SHROOM3: variants seen among roughly 807,000 people sequenced by gnomAD.
The protein encoded by SHROOM3 is protein Shroom3.
Under a neutral mutation model 138.6 loss-of-function variants are expected in SHROOM3, and 47 were observed. The ratio of observed to expected loss-of-function variants is 0.34; its 90% CI spans 0.27 to 0.43. SHROOM3 has a LOEUF of 0.43. Among genes scored for constraint, SHROOM3 ranks in the 20% least tolerant of loss-of-function variants. SHROOM3 has a pLI of 1.00. For synonymous variants in SHROOM3, 1,062 were observed against 1,063.3 expected (o/e 1.00, Z 0.02); for missense variants, 2,491 against 2,596.5 (o/e 0.96, Z 0.88).
intron 2 of SHROOM3, among the ~76,000 whole-genome samples, chr4:76,625,994 A>G (rs1735130228): frequency 6.6e-6 from 1 of 152,132 alleles, no homozygotes; most frequent in African/African-American, 2.4e-5. Context: ...AACATAGAGA[A>G]CTCTCCTTAA....
chr4:76,703,060 GA>G (rs1050238045), intron 2 of SHROOM3, among the ~76,000 whole-genome samples: 4 of 152,110 alleles, frequency 2.6e-5, no homozygotes, highest in African/African-American at 9.7e-5. Flanking sequence ...GAAATCAAGT[GA>G]AAAAAAGCAG....
chr4:76,768,598 C>T (rs761425251), intron 9 of SHROOM3, among the ~76,000 whole-genome samples: 58 of 152,126 alleles, frequency 3.8e-4, no homozygotes, highest in Non-Finnish European at 7.2e-4. Flanking sequence ...GCAAACTCCA[C>T]CTCTCAGGTT....
At chr4:76,633,734 G>C (rs1735410791) in intron 2 of SHROOM3, among the ~76,000 whole-genome samples, 1 of 150,806 alleles carries the variant, frequency 6.6e-6, no homozygotes, top group Admixed American at 6.6e-5. Flanking sequence ...CTTTGTTTCA[G>C]CAAAAAATCT....
rs567740036 is a variant in SHROOM3 at position 76,742,102 on chromosome 4, T to C, written c.3753+176T>C. 1.3e-5 allele frequency: 11 copies of C among 825,654 alleles called. No individual in the cohort carries two copies. The South Asian group carries it at 1.6e-4, about 12-fold the overall frequency. 51.1% of individuals were successfully genotyped at this position (825,654 alleles called of 1,614,324 possible). A position where few individuals can be genotyped will look rare whatever the true frequency, so the allele number is the denominator to read the frequency against. ...GTTTCTCAAGTGTCCCTTACCTGGT[T>C]TCCTTATAAAGATATAGGTATCTAG... is the stretch of plus-strand genomic sequence containing the variant. On this transcript the variant is annotated intron_variant, in intron 5 of 10. Coordinates refer to ENST00000296043, the MANE Select transcript of SHROOM3 (RefSeq NM_020859.4).
chr4:76,518,265 A>AC (rs1293989500), intron 1 of SHROOM3, among the ~76,000 whole-genome samples: 24 of 151,856 alleles, frequency 1.6e-4, no homozygotes, highest in Admixed American at 2.6e-4. Flanking sequence ...TAGGCATTTA[A>AC]CCCCCCAAGA....
In SHROOM3 at chr4:76,778,974, A is replaced by G; in HGVS notation, c.5788A>G (p.Thr1930Ala). The G allele has an allele frequency of 6.2e-7, 1 of 1,614,166 alleles. No homozygotes were observed. Among genetic ancestry groups the G allele is most frequent in the East Asian group, 2.2e-5 (1 of 44,878 alleles). Residue 1930 changes from threonine (T) to alanine (A), a missense_variant, in exon 11 of 11, where the codon ACG becomes GCG. Thr to Ala is a moderately conservative substitution (Grantham distance 58). This residue lies in a region of SHROOM3 where 470 missense variants were observed against 595.0 expected (regional missense o/e 0.79). Transcript: ENST00000296043. ...DYQHFVKMKS[T>A]LLIEQRKLDD... ...CCAGCACTTCGTGAAAATGAAGTCCACGCTCCTCATTGAGCAACGGAAGCT... is the reference window on the plus strand; with the variant it reads ...CCAGCACTTCGTGAAAATGAAGTCCGCGCTCCTCATTGAGCAACGGAAGCT...
At chr4:76,675,031 C>T (rs1054220671) in intron 2 of SHROOM3, among the ~76,000 whole-genome samples, 11 of 152,086 alleles carry the variant, frequency 7.2e-5, no homozygotes, top group East Asian at 5.8e-4. Context: ...AATAAGAAAA[C>T]GAGGGATATA....
intron 2 of SHROOM3, among the ~76,000 whole-genome samples, chr4:76,571,622 A>G (rs1733834143): frequency 6.6e-6 from 1 of 152,190 alleles, no homozygotes; most frequent in Non-Finnish European, 1.5e-5. Flanking sequence ...CAAGCTCATC[A>G]TTTTCTACAC....
At position 76,757,555 on chromosome 4, in the gene SHROOM3, G is replaced by A. The variant is rs567165073; in HGVS notation, c.5198+618G>A. Among the ~76,000 whole-genome samples the A allele has an allele frequency of 2.7e-4, 41 of 152,338 alleles. No homozygotes were observed. In the South Asian group the frequency reaches 6.6e-3, roughly 25 times the overall value. On this transcript the variant is annotated intron_variant, in intron 8 of 10. Transcript: ENST00000296043. ...GAGGGGAAGGGCTTTGTAAGGAGGA[G>A]AGCCTAGAGAAATAGATTCGTGTAC...
chr4:76,558,916 C>G lies in SHROOM3; in HGVS notation c.323+3153C>G, dbSNP rs562464156. 1.1e-4 allele frequency among the ~76,000 whole-genome samples: 17 copies of G among 152,312 alleles called. No individual in the cohort carries two copies. In the East Asian group the frequency reaches 3.3e-3, roughly 29 times the overall value. On this transcript the variant is annotated intron_variant, in intron 2 of 10. Coordinates refer to ENST00000296043, the MANE Select transcript of SHROOM3 (RefSeq NM_020859.4). ...AATAGGGGCTTGGCTGCCAGGCGGC[C>G]AGAGATTCACATCCAGAAGCAAGGG...
At chr4:76,487,630 T>A (rs1731760256) in intron 1 of SHROOM3, among the ~76,000 whole-genome samples, 1 of 152,144 alleles carries the variant, frequency 6.6e-6, no homozygotes, top group African/African-American at 2.4e-5. Flanking sequence ...TGTGAGCCGG[T>A]AGGTGAACCA....
intron 2 of SHROOM3, among the ~76,000 whole-genome samples, chr4:76,556,413 C>A (rs1418216480): frequency 6.6e-6 from 1 of 152,166 alleles, no homozygotes; most frequent in Admixed American, 6.5e-5. Context: ...CATCTTAGCT[C>A]ATTTAATCTG....
intron 9 of SHROOM3, among the ~76,000 whole-genome samples, chr4:76,762,924 C>A (rs948691049): frequency 2.6e-4 from 40 of 151,948 alleles, no homozygotes; most frequent in Admixed American, 2.6e-3. Context: ...AACCTGAGAT[C>A]AGCATTGAAG....
At chr4:76,767,397 G>T (rs1260138876) in intron 9 of SHROOM3, among the ~76,000 whole-genome samples, 1 of 152,218 alleles carries the variant, frequency 6.6e-6, no homozygotes, top group South Asian at 2.1e-4. Context: ...ACCAGCCTCT[G>T]GCTGGGCGCG....
intron 2 of SHROOM3, among the ~76,000 whole-genome samples, chr4:76,651,860 C>G (rs1224126481): frequency 6.6e-6 from 1 of 152,120 alleles, no homozygotes; most frequent in Non-Finnish European, 1.5e-5. Flanking sequence ...TACAGCAAAT[C>G]GGGGTATTGG....
At chr4:76,750,197 G>A (rs1721573867) in intron 6 of SHROOM3, among the ~76,000 whole-genome samples, 2 of 152,142 alleles carry the variant, frequency 1.3e-5, no homozygotes, top group African/African-American at 4.8e-5. Context: ...GTGAGTTTGG[G>A]TGCATTAATT....
chr4:76,715,823 A>G (rs1052962096), intron 3 of SHROOM3, among the ~76,000 whole-genome samples: 2 of 152,170 alleles, frequency 1.3e-5, no homozygotes, highest in African/African-American at 4.8e-5. Context: ...TCATGACAGT[A>G]CATCTTAGGA....
intron 2 of SHROOM3, among the ~76,000 whole-genome samples, chr4:76,636,937 T>C (rs1352935012): frequency 6.6e-6 from 1 of 152,250 alleles, no homozygotes; most frequent in Non-Finnish European, 1.5e-5. Flanking sequence ...ATGATTAATA[T>C]TAGAAGTTCT....
intron 2 of SHROOM3, among the ~76,000 whole-genome samples, chr4:76,573,982 A>G (rs1284136916): frequency 6.6e-6 from 1 of 152,120 alleles, no homozygotes; most frequent in East Asian, 1.9e-4. Flanking sequence ...ACCTTCTCCT[A>G]GGGTCTCAAA....
Sources: gnomAD v4.1 joint callset for allele counts (sites outside exome capture counted in the v4.1 genomes callset) on GRCh38, gnomAD v4.1.1 for gene constraint, gnomAD v4.1.1 regional missense constraint, MANE v1.5 for transcripts, NCBI Gene and HGNC (gene_info 2026-07-23, HGNC 2026-07-21) for gene names.